Variants in EPHA3 observed in about 807,000 individuals in gnomAD.
EPHA3 encodes the protein ephrin type-A receptor 3.
A neutral mutation model predicts 107.1 loss-of-function variants in EPHA3; 42 were observed. The ratio of observed to expected loss-of-function variants is 0.39; its 90% confidence interval spans 0.31 to 0.51. The LOEUF (loss-of-function observed/expected upper bound fraction) is 0.51, where lower values mean the gene tolerates loss of function less well. Ranked by LOEUF, EPHA3 falls within the 20% of genes least tolerant of loss-of-function variation. The pLI is 0.78. For synonymous variants in EPHA3, 461 were observed against 424.8 expected, an observed-to-expected ratio of 1.09 and a Z score of -1.05; for missense variants, 1,183 against 1,211.2, an observed-to-expected ratio of 0.98 and a Z score of 0.35.
chr3:89,399,027 G>A (rs758446897), intron 6 of EPHA3, among the ~76,000 whole-genome samples: 1 of 151,998 alleles, frequency 6.6e-6, no homozygotes, highest in African/African-American at 2.4e-5. Context: ...CTACTCAGGA[G>A]GCTGAGGCAG....
intron 3 of EPHA3, among the ~76,000 whole-genome samples, chr3:89,262,771 A>G (rs2107283263): frequency 6.6e-6 from 1 of 152,080 alleles, no homozygotes; most frequent in South Asian, 2.1e-4. Flanking sequence ...CGGTGCCTGC[A>G]GGATCAAACT....
chr3:89,243,277 G>T (rs1221520644), intron 3 of EPHA3, among the ~76,000 whole-genome samples: 1 of 152,044 alleles, frequency 6.6e-6, no homozygotes, highest in Non-Finnish European at 1.5e-5. Context: ...CGCAGTAATG[G>T]GATTGCTGGG....
intron 5 of EPHA3, among the ~76,000 whole-genome samples, chr3:89,380,167 T>C (rs1305838470): frequency 6.6e-6 from 1 of 152,200 alleles, no homozygotes; most frequent in Admixed American, 6.5e-5. Flanking sequence ...TGAAGAGAGA[T>C]AATTCCTTTT....
At chr3:89,260,354 GT>G (rs1370515357) in intron 3 of EPHA3, among the ~76,000 whole-genome samples, 1 of 152,036 alleles carries the variant, frequency 6.6e-6, no homozygotes, top group African/African-American at 2.4e-5. Flanking sequence ...ATTATCTCTT[GT>G]TTTTTTGATA....
intron 3 of EPHA3, among the ~76,000 whole-genome samples, chr3:89,286,467 G>T (rs891773598): frequency 2.0e-5 from 3 of 152,076 alleles, no homozygotes; most frequent in Non-Finnish European, 2.9e-5. Context: ...CAATTAGGAA[G>T]GTTCTCCAGT....
intron 1 of EPHA3, among the ~76,000 whole-genome samples, chr3:89,108,778 A>T (rs1707031667): frequency 6.6e-6 from 1 of 152,204 alleles, no homozygotes; most frequent in Non-Finnish European, 1.5e-5. Flanking sequence ...ATTCTTGTGA[A>T]TACAGTCACT....
At chr3:89,162,698 T>G (rs1704977907) in intron 2 of EPHA3, among the ~76,000 whole-genome samples, 1 of 152,190 alleles carries the variant, frequency 6.6e-6, no homozygotes, top group South Asian at 2.1e-4. Context: ...GATCTAGACC[T>G]ACCAAGGGTT....
intron 3 of EPHA3, among the ~76,000 whole-genome samples, chr3:89,321,822 C>T (rs953340673): frequency 6.6e-5 from 10 of 152,060 alleles, no homozygotes; most frequent in Admixed American, 1.3e-4. Context: ...AAATAACATT[C>T]TATAAATAGC....
chr3:89,248,171 T>G (rs1419641951), intron 3 of EPHA3, among the ~76,000 whole-genome samples: 1 of 152,168 alleles, frequency 6.6e-6, no homozygotes, highest in Non-Finnish European at 1.5e-5. Context: ...CTGCCTGCAC[T>G]TTTTCACCAT....
intron 9 of EPHA3, among the ~76,000 whole-genome samples, chr3:89,408,814 A>G (rs1386503814): frequency 6.6e-6 from 1 of 152,112 alleles, no homozygotes; most frequent in African/African-American, 2.4e-5. Flanking sequence ...TCAGTAGCTT[A>G]AATAGCATGT....
intron 2 of EPHA3, among the ~76,000 whole-genome samples, chr3:89,189,388 A>G (rs1056414226): frequency 2.6e-5 from 4 of 152,194 alleles, no homozygotes; most frequent in Non-Finnish European, 4.4e-5. Context: ...AGGTCAAGAG[A>G]TTGAGACCAT....
chr3:89,442,953 G>A (rs1709812229), intron 13 of EPHA3, among the ~76,000 whole-genome samples: 1 of 152,056 alleles, frequency 6.6e-6, no homozygotes, highest in South Asian at 2.1e-4. Flanking sequence ...TTCAAACATA[G>A]CCACTTTAGT....
chr3:89,120,862 T>G (rs532507793), intron 1 of EPHA3, among the ~76,000 whole-genome samples: 1 of 152,322 alleles, frequency 6.6e-6, no homozygotes, highest in Non-Finnish European at 1.5e-5. Context: ...TGCAGAAATC[T>G]TCTTATATCA....
chr3:89,153,265 T>G (rs1196612020), intron 2 of EPHA3, among the ~76,000 whole-genome samples: 1 of 152,086 alleles, frequency 6.6e-6, no homozygotes, highest in Admixed American at 6.6e-5. Context: ...TTACTTCACT[T>G]AAGATACTAT....
At chr3:89,396,828 G>T (rs565585567) in intron 6 of EPHA3, among the ~76,000 whole-genome samples, 18 of 152,272 alleles carry the variant, frequency 1.2e-4, no homozygotes, top group African/African-American at 2.6e-4. Context: ...GAACATTTCT[G>T]TGGACATTAC....
chr3:89,200,453 A>G (rs1199179524), intron 2 of EPHA3, among the ~76,000 whole-genome samples: 1 of 152,198 alleles, frequency 6.6e-6, no homozygotes, highest in Non-Finnish European at 1.5e-5. Flanking sequence ...ATAATTGTTC[A>G]ACAGAAGTCA....
At chr3:89,406,586 C>T (rs943160626) in intron 7 of EPHA3, among the ~76,000 whole-genome samples, 1 of 152,104 alleles carries the variant, frequency 6.6e-6, no homozygotes, top group African/African-American at 2.4e-5. Flanking sequence ...ATTTGAATTT[C>T]CTAGATTTAG....
At chr3:89,303,163 T>G (rs1219237070) in intron 3 of EPHA3, among the ~76,000 whole-genome samples, 1 of 152,192 alleles carries the variant, frequency 6.6e-6, no homozygotes, top group Admixed American at 6.5e-5. Flanking sequence ...CCCAATGTGC[T>G]GGGATTACAG....
At chr3:89,442,523 T>C (rs1709804375) in intron 13 of EPHA3, among the ~76,000 whole-genome samples, 1 of 152,150 alleles carries the variant, frequency 6.6e-6, no homozygotes, top group East Asian at 1.9e-4. Context: ...GCTAATGTAA[T>C]CTAGATGACA....
Sources: gnomAD v4.1 joint callset for allele counts (sites outside exome capture counted in the v4.1 genomes callset) on GRCh38, gnomAD v4.1.1 for gene constraint, MANE v1.5 for transcripts, NCBI Gene and HGNC (gene_info 2026-07-23, HGNC 2026-07-21) for gene names.